The following PSTPIP1 variants were observed in gnomAD, a reference collection of about 807,000 sequenced individuals.
PSTPIP1 encodes proline-serine-threonine phosphatase-interacting protein 1.
Under a neutral mutation model 69.6 loss-of-function variants are expected in PSTPIP1, and 66 were observed. The observed-to-expected ratio is 0.95, with a 90% CI of 0.78 to 1.16. The LOEUF is 1.16. Among genes scored for constraint, PSTPIP1 ranks in the 50% most tolerant of loss-of-function variants. PSTPIP1 has a pLI of 0.00. For synonymous variants in PSTPIP1, 266 were observed against 222.7 expected (o/e 1.19, Z -1.73); for missense variants, 603 against 557.4 (o/e 1.08, Z -0.82).
chr15:76,994,910 A>G (rs1409717455), upstream of PSTPIP1: 6 of 1,279,786 alleles, frequency 4.7e-6, no homozygotes, highest in Admixed American at 4.6e-5. Flanking sequence ...GGCGGGTGAC[A>G]CACCTGGGGT....
intron 1 of PSTPIP1, among the ~76,000 whole-genome samples, chr15:76,996,515 C>T (rs533071764): frequency 8.1e-4 from 123 of 152,340 alleles, no homozygotes; most frequent in East Asian, 1.9e-3. Flanking sequence ...CTCTGGCCCT[C>T]GGCTCAGCCG....
At chr15:77,015,518 A>G (rs1287765963) in intron 1 of PSTPIP1, among the ~76,000 whole-genome samples, 1 of 152,202 alleles carries the variant, frequency 6.6e-6, no homozygotes, top group African/African-American at 2.4e-5. Context: ...GAGGTTGGAC[A>G]GGATGAGGGG....
intron 3 of PSTPIP1, chr15:77,023,455 G>A (rs542126867): frequency 5.8e-4 from 88 of 152,886 alleles, no homozygotes; most frequent in Non-Finnish European, 9.8e-4. Flanking sequence ...GGGCTGCAGC[G>A]GTGGTGGCAG....
chr15:77,034,242 T>C (rs945204462), intron 12 of PSTPIP1, among the ~76,000 whole-genome samples: 1 of 152,032 alleles, frequency 6.6e-6, no homozygotes, highest in African/African-American at 2.4e-5. Context: ...CCTGCACCCC[T>C]TTCCCCCTGC....
At chr15:77,003,389 G>A (rs927927025) in intron 1 of PSTPIP1, among the ~76,000 whole-genome samples, 11 of 152,168 alleles carry the variant, frequency 7.2e-5, no homozygotes, top group African/African-American at 2.7e-4. Flanking sequence ...CATCCTCCAG[G>A]CTTAGAAGGA....
chr15:77,029,469 TG>T, intron 7 of PSTPIP1, 59 bp from the exon 8 acceptor site: 2 of 1,543,998 alleles, frequency 1.3e-6, no homozygotes, highest in Non-Finnish European at 1.8e-6. Context: ...TCAGGTCTGC[TG>T]GGGTGGGCCC....
At chr15:76,997,335 A>G (rs1011092477) in intron 1 of PSTPIP1, among the ~76,000 whole-genome samples, 5 of 152,222 alleles carry the variant, frequency 3.3e-5, no homozygotes, top group Non-Finnish European at 5.9e-5. Context: ...GGAACCTCTC[A>G]CACTGAGTCT....
At chr15:76,995,936 G>T (rs2075569249) in intron 1 of PSTPIP1, among the ~76,000 whole-genome samples, 2 of 152,326 alleles carry the variant, frequency 1.3e-5, no homozygotes, top group East Asian at 1.9e-4. Context: ...CAAAGGAGGG[G>T]TCACAGATTT....
chr15:77,009,680 G>A (rs1372449138), intron 1 of PSTPIP1, among the ~76,000 whole-genome samples: 4 of 152,144 alleles, frequency 2.6e-5, no homozygotes, highest in African/African-American at 9.7e-5. Context: ...TGTCCATTCA[G>A]TCCTCAGAGC....
Position 76,995,462 on chromosome 15 carries a change from A to AG in PSTPIP1, c.-106dup, listed in dbSNP as rs1369094571. The AG allele has an allele frequency of 8.2e-6, 13 of 1,579,368 alleles. No individual in the cohort carries two copies. The highest frequency in any genetic ancestry group is 1.1e-5 in the Non-Finnish European group (13 of 1,164,200). ...GTGTTGCAGACGGCGCCGGCCGGGA[A>AG]GGGGGGCCTGGGCCAGCCCTGCCAG... On this transcript the variant is annotated 5_prime_UTR_variant, in exon 1 of 15. Transcript: ENST00000558012.
At chr15:77,004,722 T>TACA (rs2075781492) in intron 1 of PSTPIP1, among the ~76,000 whole-genome samples, 1 of 150,548 alleles carries the variant, frequency 6.6e-6, no homozygotes, top group African/African-American at 2.4e-5. Flanking sequence ...TAGCTGTACC[T>TACA]GGTGGTGCAC....
intron 1 of PSTPIP1, among the ~76,000 whole-genome samples, chr15:76,998,064 C>A (rs1382287637): frequency 6.6e-6 from 1 of 152,168 alleles, no homozygotes; most frequent in Non-Finnish European, 1.5e-5. Flanking sequence ...ATGGTGAAAC[C>A]CTGTCTCTAC....
chr15:76,997,754 G>C (rs748502079), intron 1 of PSTPIP1, among the ~76,000 whole-genome samples: 1 of 152,178 alleles, frequency 6.6e-6, no homozygotes. Flanking sequence ...AATCAGACAA[G>C]GTGGCTAGAA....
Position 77,025,575 on chromosome 15 carries a change from C to A in PSTPIP1, c.325C>A (p.Arg109Ser). The change falls in exon 5 of 15, where the codon CGT (arginine) becomes AGT (serine). Residue 109 changes from arginine to serine, a missense_variant. Physicochemically the swap from Arg to Ser is moderately radical, Grantham distance 110. Transcript: ENST00000558012. ...REELRSLEEF[R>S]ERQKEQRKKY... ...GGAGCTGCGGAGTCTCGAGGAGTTT[C>A]GTGAGAGGCAGAAGGAGCAGAGGAA... 1 of 1,551,360 alleles carries A rather than the reference C, an allele frequency of 6.4e-7. No homozygotes were observed. The highest frequency in any genetic ancestry group is 8.7e-7 in the Non-Finnish European group (1 of 1,146,454).
rs77317876 is a variant in PSTPIP1, at chr15:77,006,932, C to T, written c.37-11216C>T. Among the ~76,000 whole-genome samples the T allele has an allele frequency of 3.5e-3, 526 of 152,210 alleles. 2 individuals carry two copies. Among genetic ancestry groups the T allele is most frequent in the African/African-American group, 0.012 (504 of 41,526 alleles). ...AGATTGTTTTGGCTCTTTGGGGGCC[C>T]GAGTAGAGCTGCTTTTGTTGTTCCC... On this transcript the variant is annotated intron_variant, in intron 1 of 14. Transcript: ENST00000558012.
Position 77,016,344 on chromosome 15 carries a change from C to G in PSTPIP1, c.37-1804C>G, listed in dbSNP as rs575770055. On this transcript the variant is annotated intron_variant, in intron 1 of 14. Coordinates refer to ENST00000558012, the MANE Select transcript of PSTPIP1 (RefSeq NM_003978.5). ...CAGATTTGTTTTTCTTCCCAGCCGC[C>G]AGGAGCTCTGACCTGAGGGTCTGGA... Among the ~76,000 whole-genome samples the G allele has an allele frequency of 2.6e-5, 4 of 152,144 alleles. 1 individual carries two copies. The highest frequency in any genetic ancestry group is 9.7e-5 in the African/African-American group (4 of 41,446).
At chr15:77,021,853 ATGTCACCTCCCTCAGAAAGC>A (rs1188720545) in intron 3 of PSTPIP1, among the ~76,000 whole-genome samples, 3 of 152,138 alleles carry the variant, frequency 2.0e-5, no homozygotes, top group African/African-American at 7.2e-5. Context: ...CCTGCCTGAA[ATGTCACCTCCCTCAGAAAGC>A]TGTCACCTCC....
rs774825441 is a variant in PSTPIP1, at chr15:77,032,363, C to T, written c.807C>T (p.Ile269=). The change falls in exon 11 of 15, where the codon ATC becomes ATT. Residue 269 remains isoleucine (I), a synonymous_variant. Coordinates refer to ENST00000558012, the MANE Select transcript of PSTPIP1 (RefSeq NM_003978.5). Reference sequence around the variant, plus strand: ...TAGACGCCGACATCGACAGTTTCATCCAGGCCAAGAGCACGGGCACAGAGC... The same window carrying T: ...TAGACGCCGACATCGACAGTTTCATTCAGGCCAAGAGCACGGGCACAGAGC... ...CSIDADIDSF[I]QAKSTGTEPP... is the part of the protein sequence containing the mutation. The T allele has an allele frequency of 3.7e-6, 6 of 1,612,698 alleles. No individual in the cohort carries two copies. The highest frequency in any genetic ancestry group is 5.1e-6 in the Non-Finnish European group (6 of 1,179,788).
chr15:77,019,074 T>C, intron 3 of PSTPIP1, among the ~76,000 whole-genome samples: 1 of 152,146 alleles, frequency 6.6e-6, no homozygotes, highest in South Asian at 2.1e-4. Context: ...AGTGGGCCCA[T>C]GGGCTTAGCT....
Sources: gnomAD v4.1 joint callset for allele counts (sites outside exome capture counted in the v4.1 genomes callset) on GRCh38, gnomAD v4.1.1 for gene constraint, MANE v1.5 for transcripts, NCBI Gene and HGNC (gene_info 2026-07-23, HGNC 2026-07-21) for gene names.